The following RIPOR2 variants were observed in gnomAD, a reference collection of about 807,000 sequenced individuals.
The protein encoded by RIPOR2 is rho family-interacting cell polarization regulator 2.
RIPOR2 carries 39 observed loss-of-function variants against 114.5 expected under a neutral mutation model. The observed-to-expected ratio is 0.34, with a 90% CI of 0.26 to 0.44. RIPOR2 has a LOEUF of 0.44. Among genes scored for constraint, RIPOR2 ranks in the 20% least tolerant of loss-of-function variants. The pLI is 1.00. For missense variants in RIPOR2, 1,007 were observed against 1,255.1 expected, an observed-to-expected ratio of 0.80 and a Z score of 2.99; for synonymous variants, 445 against 484.4, an observed-to-expected ratio of 0.92 and a Z score of 1.07.
chr6:25,009,765 T>G (rs1775704137), intron 1 of RIPOR2, among the ~76,000 whole-genome samples: 1 of 152,198 alleles, frequency 6.6e-6, no homozygotes, highest in East Asian at 1.9e-4. Flanking sequence ...CAGAAATTCT[T>G]TATGATTATT....
intron 1 of RIPOR2, among the ~76,000 whole-genome samples, chr6:24,997,300 GCTCA>G (rs1775089646): frequency 6.6e-6 from 1 of 151,978 alleles, no homozygotes; most frequent in Non-Finnish European, 1.5e-5. Flanking sequence ...TTTCCTGTAT[GCTCA>G]CTATGTAGTA....
chr6:24,970,995 A>G (rs888355014), intron 1 of RIPOR2, among the ~76,000 whole-genome samples: 29 of 152,208 alleles, frequency 1.9e-4, no homozygotes, highest in African/African-American at 7.0e-4. Flanking sequence ...TGAGATAATC[A>G]TCATGTAAAG....
intron 18 of RIPOR2, among the ~76,000 whole-genome samples, chr6:24,826,845 A>G (rs190489671): frequency 1.2e-3 from 182 of 152,314 alleles, no homozygotes; most frequent in Non-Finnish European, 1.5e-3. Context: ...AAATGCATTC[A>G]ATTTAAAAAG....
Position 25,005,738 on chromosome 6 carries a change from T to TATATATATATATATATATATATAC in RIPOR2, c.76+36112_76+36113insGTATATATATATATATATATATAT, listed in dbSNP as rs34572978. ...ATATATATATATATATATATATATA[T>TATATATATATATATATATATATAC]ATACATTTACCGATCAAAAGATATG... On this transcript the variant is annotated intron_variant, in intron 1 of 13. Transcript: ENST00000510784. 2.1e-4 allele frequency among the ~76,000 whole-genome samples: 15 copies of TATATATATATATATATATATATAC among 70,698 alleles called. 5 individuals are homozygous for TATATATATATATATATATATATAC. The highest frequency in any genetic ancestry group is 4.0e-4 in the Non-Finnish European group (12 of 30,024). 46.4% of individuals were successfully genotyped at this position (70,698 alleles called of 152,430 possible).
At position 24,840,645 on chromosome 6, in the gene RIPOR2, T is replaced by G; in HGVS notation, c.1858-1373A>C. ...CCTTGCAGGGATCTGTCTCTGACAC[T>G]CAAGATGGCACAAAAGCACATGGGA... is the stretch of plus-strand genomic sequence containing the variant. On this transcript the variant is annotated intron_variant, in intron 13 of 21. Transcript: ENST00000643898. 4 of 1,532,550 alleles carry G rather than the reference T, an allele frequency of 2.6e-6. No homozygotes were observed. The South Asian group carries it at 4.8e-5, about 18-fold the overall frequency. 94.9% of individuals were successfully genotyped at this position (1,532,550 alleles called of 1,614,324 possible).
intron 1 of RIPOR2, among the ~76,000 whole-genome samples, chr6:24,882,502 T>C (rs1294678864): frequency 1.3e-5 from 2 of 152,238 alleles, no homozygotes; most frequent in Non-Finnish European, 2.9e-5. Context: ...TTAAGAATAC[T>C]GAGACTCATT....
chr6:24,864,649 G>A (rs1764403119), intron 7 of RIPOR2, among the ~76,000 whole-genome samples: 2 of 152,176 alleles, frequency 1.3e-5, no homozygotes, highest in African/African-American at 4.8e-5. Context: ...TTGGTATTAG[G>A]TGACCCCAGG....
At chr6:24,886,321 C>T (rs539082166) in intron 1 of RIPOR2, among the ~76,000 whole-genome samples, 8 of 152,268 alleles carry the variant, frequency 5.3e-5, no homozygotes, top group East Asian at 1.9e-4. Context: ...CACTGACTAT[C>T]GTAGTCTAAT....
intron 1 of RIPOR2, among the ~76,000 whole-genome samples, chr6:24,964,426 C>T (rs764810313): frequency 6.6e-6 from 1 of 152,184 alleles, no homozygotes; most frequent in Non-Finnish European, 1.5e-5. Context: ...TTTCCCTCAG[C>T]ATGTTGACCT....
intron 11 of RIPOR2, 148 bp downstream of exon 11, chr6:24,849,654 T>A: frequency 1.5e-6 from 1 of 684,526 alleles, no homozygotes; most frequent in Admixed American, 2.5e-5. Context: ...CCTGAGCAAT[T>A]CTGACACAGT....
intron 1 of RIPOR2, among the ~76,000 whole-genome samples, chr6:24,994,637 C>T (rs553570545): frequency 9.9e-5 from 15 of 152,154 alleles, no homozygotes; most frequent in Non-Finnish European, 1.9e-4. Context: ...CTCATGAGAG[C>T]GATGGGACAT....
intron 1 of RIPOR2, among the ~76,000 whole-genome samples, chr6:24,892,539 A>AT (rs199586450): frequency 6.6e-5 from 10 of 151,172 alleles, no homozygotes; most frequent in South Asian, 4.2e-4. Context: ...TGCCTTTTCC[A>AT]TTTTTTTTCT....
rs531823326 is a variant in RIPOR2, at chr6:24,905,070, C to T, written c.62-29253G>A. 1.4e-4 allele frequency among the ~76,000 whole-genome samples: 21 copies of T among 152,252 alleles called. No individual in the cohort carries two copies. The South Asian group carries it at 3.3e-3, about 24-fold the overall frequency. On this transcript the variant is annotated intron_variant, in intron 1 of 21. Transcript: ENST00000643898. ...GATTACAGGTGTAAGCCACCGCGCC[C>T]GGCCAGTGTATAGCTTCTTGAGTAT...
In RIPOR2 at chr6:24,858,685, C is replaced by T. The variant is rs972956213; in HGVS notation, c.715+2288G>A. ...GAGATTTAGTCTCAGGCCTGAGAAA[C>T]CCCATGGAAGAAACCAAGCGTTCAG... On this transcript the variant is annotated intron_variant, in intron 8 of 21. Coordinates refer to ENST00000643898, the MANE Select transcript of RIPOR2 (RefSeq NM_001286445.3). This position sits in a 1 kb window ranked among gnomAD's most constrained non-coding sequence, Gnocchi z 4.0. 3.9e-5 allele frequency among the ~76,000 whole-genome samples: 6 copies of T among 152,062 alleles called. No individual in the cohort carries two copies. The highest frequency in any genetic ancestry group is 8.8e-5 in the Non-Finnish European group (6 of 68,014).
intron 1 of RIPOR2, among the ~76,000 whole-genome samples, chr6:24,963,247 G>T (rs1242523700): frequency 6.6e-6 from 1 of 152,116 alleles, no homozygotes; most frequent in African/African-American, 2.4e-5. Context: ...TGGCCAGGCT[G>T]GTTTCAAACT....
intron 1 of RIPOR2, among the ~76,000 whole-genome samples, chr6:25,034,337 T>G (rs910063321): frequency 1.4e-5 from 2 of 147,596 alleles, no homozygotes; most frequent in African/African-American, 2.5e-5. Context: ...TAGGAGGGGG[T>G]AAGGGGTGTG....
upstream of RIPOR2, among the ~76,000 whole-genome samples, chr6:24,937,444 C>T (rs1433167690): frequency 6.6e-6 from 1 of 152,174 alleles, no homozygotes; most frequent in Non-Finnish European, 1.5e-5. Context: ...TGGAGTTATC[C>T]TTTTCTCTAG....
intron 1 of RIPOR2, among the ~76,000 whole-genome samples, chr6:24,935,626 T>G (rs1016429929): frequency 2.6e-5 from 4 of 152,188 alleles, no homozygotes; most frequent in Admixed American, 2.6e-4. Context: ...AAAATGTATT[T>G]GCGGGAATGA....
chr6:24,969,928 T>G (rs532990676), intron 1 of RIPOR2, among the ~76,000 whole-genome samples: 7 of 152,222 alleles, frequency 4.6e-5, no homozygotes, highest in African/African-American at 1.4e-4. Flanking sequence ...TGTTCACTGC[T>G]GTCTCCCCAG....
Sources: gnomAD v4.1 joint callset for allele counts (sites outside exome capture counted in the v4.1 genomes callset) on GRCh38, gnomAD v4.1.1 for gene constraint, Gnocchi (gnomAD v3.1) non-coding constraint, MANE v1.5 for transcripts, NCBI Gene and HGNC (gene_info 2026-07-23, HGNC 2026-07-21) for gene names.